Variants in TWIST2 observed in about 807,000 individuals in gnomAD.
The protein encoded by TWIST2 is twist-related protein 2.
TWIST2 carries 1 observed loss-of-function variant against 11.6 expected under a neutral mutation model. The ratio of observed to expected loss-of-function variants is 0.09; its 90% CI spans 0.03 to 0.41. The LOEUF (loss-of-function observed/expected upper bound fraction) is 0.41. Among genes scored for constraint, TWIST2 ranks in the 10% least tolerant of loss-of-function variants. The pLI is 0.98. For missense variants in TWIST2, 168 were observed against 226.4 expected (o/e 0.74, Z 1.66); for synonymous variants, 87 against 96.6 (o/e 0.90, Z 0.58).
Position 238,863,866 on chromosome 2 carries a change from G to A in TWIST2, c.*35+15133G>A, listed in dbSNP as rs1157724976. Among the ~76,000 whole-genome samples, 1 of 152,084 alleles carries A rather than the reference G, an allele frequency of 6.6e-6. No homozygotes were observed. On this transcript the variant is annotated intron_variant, in intron 1 of 1. Coordinates refer to ENST00000612363, the MANE Select transcript of TWIST2 (RefSeq NM_001271893.4). The surrounding 1 kb of genome is among the most constrained non-coding windows in gnomAD (Gnocchi z 4.7). ...TGTATGATGAATGACAAATGTGTGG[G>A]ACTGAGGAGAGGTCGGCCGTAGAGT...
intron 1 of TWIST2, among the ~76,000 whole-genome samples, chr2:238,869,072 T>TG (rs1480306944): frequency 6.6e-6 from 1 of 152,150 alleles, no homozygotes; most frequent in Non-Finnish European, 1.5e-5. Context: ...GTGGTTTCCT[T>TG]GCAAAGGACG....
At chr2:238,905,939 GT>G in intron 1 of TWIST2, among the ~76,000 whole-genome samples, 2 of 106,680 alleles carry the variant, frequency 1.9e-5, no homozygotes, top group Admixed American at 8.1e-5. Flanking sequence ...GTGCGCGTGT[GT>G]GTGCGCGCGC....
chr2:238,892,113 C>A (rs1693145297), intron 1 of TWIST2, among the ~76,000 whole-genome samples: 1 of 152,176 alleles, frequency 6.6e-6, no homozygotes, highest in South Asian at 2.1e-4. Flanking sequence ...CCCACCTGCC[C>A]TCGGGACCCT....
intron 1 of TWIST2, among the ~76,000 whole-genome samples, chr2:238,891,939 C>A (rs919332364): frequency 1.3e-5 from 2 of 152,206 alleles, no homozygotes; most frequent in African/African-American, 4.8e-5. Context: ...ATTTGTGCAC[C>A]TGCGCAAGGC....
intron 1 of TWIST2, among the ~76,000 whole-genome samples, chr2:238,896,402 C>T (rs984197367): frequency 6.6e-6 from 1 of 152,186 alleles, no homozygotes; most frequent in Non-Finnish European, 1.5e-5. Context: ...CATTTCAAGC[C>T]AGTGGTGCCG....
rs550267255 is a variant in TWIST2 at position 238,864,001 on chromosome 2, G to T, written c.*35+15268G>T. Among the ~76,000 whole-genome samples the T allele has an allele frequency of 2.8e-4, 43 of 152,322 alleles. No homozygotes were observed. In the South Asian group the frequency reaches 8.5e-3, roughly 30 times the overall value. ...AGAGGCTGGAGACCAACCAGGCACA[G>T]AATCTCTCATTTCCTTTCAGATTCT... On this transcript the variant is annotated intron_variant, in intron 1 of 1. Transcript: ENST00000612363. The surrounding 1 kb of genome is among the most constrained non-coding windows in gnomAD (Gnocchi z 4.7).
At chr2:238,880,515 AGTGT>A (rs561919229) in intron 1 of TWIST2, among the ~76,000 whole-genome samples, 3 of 88,942 alleles carry the variant, frequency 3.4e-5, no homozygotes, top group African/African-American at 8.7e-5. Context: ...CATTAGTATT[AGTGT>A]GTTAGTATTG....
chr2:238,850,221 T>A (rs1692220600), intron 1 of TWIST2, among the ~76,000 whole-genome samples: 1 of 152,216 alleles, frequency 6.6e-6, no homozygotes, highest in Non-Finnish European at 1.5e-5. Flanking sequence ...AGAAAATAAC[T>A]TGTGGGAATC....
intron 1 of TWIST2, among the ~76,000 whole-genome samples, chr2:238,873,541 G>A (rs1692748226): frequency 6.6e-6 from 1 of 152,184 alleles, no homozygotes; most frequent in South Asian, 2.1e-4. Flanking sequence ...CTGCAGAGAT[G>A]TGCACGCATG....
At chr2:238,885,156 C>G (rs1199549968) in intron 1 of TWIST2, among the ~76,000 whole-genome samples, 2 of 152,310 alleles carry the variant, frequency 1.3e-5, no homozygotes, top group South Asian at 2.1e-4. Context: ...GCATGAGGTG[C>G]CCCCTCCCTC....
intron 1 of TWIST2, among the ~76,000 whole-genome samples, chr2:238,849,411 G>A (rs1692200351): frequency 6.6e-6 from 1 of 152,218 alleles, no homozygotes; most frequent in Non-Finnish European, 1.5e-5. Flanking sequence ...GCCCGAGAAG[G>A]GCCCTGGGCC....
chr2:238,873,015 G>A (rs1692736498), intron 1 of TWIST2, among the ~76,000 whole-genome samples: 1 of 152,114 alleles, frequency 6.6e-6, no homozygotes, highest in South Asian at 2.1e-4. Context: ...AGACAATGGA[G>A]GACTCACCAT....
intron 1 of TWIST2, among the ~76,000 whole-genome samples, chr2:238,853,112 G>C (rs1437962183): frequency 1.3e-5 from 2 of 151,866 alleles, no homozygotes; most frequent in Middle Eastern, 3.2e-3. Context: ...TATGAAAGGT[G>C]AAATACCAAT....
chr2:238,852,337 G>A (rs1692257190), intron 1 of TWIST2, among the ~76,000 whole-genome samples: 1 of 152,150 alleles, frequency 6.6e-6, no homozygotes, highest in South Asian at 2.1e-4. Context: ...AAAACCCTGT[G>A]AATGCATGCT....
chr2:238,880,168 GGTGTTA>G (rs1692884363), intron 1 of TWIST2, among the ~76,000 whole-genome samples: 1 of 122,614 alleles, frequency 8.2e-6, no homozygotes, highest in East Asian at 4.6e-4. Context: ...TATTGGTATT[GGTGTTA>G]GTGTTAGTAT....
At chr2:238,865,175 A>G (rs897409850) in intron 1 of TWIST2, among the ~76,000 whole-genome samples, 105 of 152,146 alleles carry the variant, frequency 6.9e-4, no homozygotes, top group African/African-American at 2.2e-3. Flanking sequence ...AAACTGAGGG[A>G]CCTACGTAAC....
At chr2:238,873,967 A>G (rs1156622184) in intron 1 of TWIST2, among the ~76,000 whole-genome samples, 2 of 152,082 alleles carry the variant, frequency 1.3e-5, no homozygotes, top group Non-Finnish European at 2.9e-5. Flanking sequence ...TTGCTGATCC[A>G]TGTTCCATCA....
At chr2:238,874,608 A>G (rs1176774019) in intron 1 of TWIST2, among the ~76,000 whole-genome samples, 2 of 152,202 alleles carry the variant, frequency 1.3e-5, no homozygotes, top group South Asian at 2.1e-4. Context: ...TTAATATTAC[A>G]TAGTACATAC....
At chr2:238,853,900 T>C (rs1345271339) in intron 1 of TWIST2, among the ~76,000 whole-genome samples, 2 of 152,234 alleles carry the variant, frequency 1.3e-5, no homozygotes, top group Non-Finnish European at 1.5e-5. Context: ...CCTGTGGTGA[T>C]GAAGATGAGA....
Sources: gnomAD v4.1 joint callset for allele counts (sites outside exome capture counted in the v4.1 genomes callset) on GRCh38, gnomAD v4.1.1 for gene constraint, Gnocchi (gnomAD v3.1) non-coding constraint, MANE v1.5 for transcripts, NCBI Gene and HGNC (gene_info 2026-07-23, HGNC 2026-07-21) for gene names.